Variants in PKHD1 observed in about 807,000 individuals in gnomAD.
PKHD1 encodes PKHD1 ciliary IPT domain containing fibrocystin/polyductin, also known as fibrocystin.
In PKHD1, 291 loss-of-function variants were observed where a neutral mutation model predicts 412.0. The ratio of observed to expected loss-of-function variants is 0.71; its 90% confidence interval spans 0.64 to 0.78. PKHD1 has a LOEUF of 0.78. Ranked by LOEUF, PKHD1 falls within the 30% of genes least tolerant of loss-of-function variation. PKHD1 has a pLI of 0.00. For synonymous variants in PKHD1, 1,777 were observed against 1,821.5 expected, an observed-to-expected ratio of 0.98 and a Z score of 0.62; for missense variants, 4,825 against 4,950.7, an observed-to-expected ratio of 0.97 and a Z score of 0.76.
At chr6:51,787,946 CAATT>C (rs1340300602) in intron 53 of PKHD1, among the ~76,000 whole-genome samples, 2 of 152,090 alleles carry the variant, frequency 1.3e-5, no homozygotes, top group African/African-American at 4.8e-5. Flanking sequence ...TAATATCTCT[CAATT>C]AATTGGATGA....
intron 60 of PKHD1, among the ~76,000 whole-genome samples, chr6:51,668,941 GT>G (rs1461153403): frequency 6.6e-6 from 1 of 152,244 alleles, no homozygotes; most frequent in Non-Finnish European, 1.5e-5. Context: ...TGCTGGATTC[GT>G]TTTGCCAGTA....
At chr6:52,030,672 A>C (rs1802904183) in intron 29 of PKHD1, among the ~76,000 whole-genome samples, 2 of 148,828 alleles carry the variant, frequency 1.3e-5, no homozygotes, top group Non-Finnish European at 3.0e-5. Context: ...AGGCAAGGGA[A>C]CTGGGAGGGG....
chr6:51,716,054 A>G lies in PKHD1; in HGVS notation c.10156+28331T>C, dbSNP rs1221663700. Among the ~76,000 whole-genome samples, 3 of 152,354 alleles carry G rather than the reference A, an allele frequency of 2.0e-5. No homozygotes were observed. The East Asian group carries it at 5.8e-4, about 29-fold the overall frequency. On this transcript the variant is annotated intron_variant, in intron 60 of 66. Transcript: ENST00000371117. The stretch of plus-strand genomic sequence containing the variant: ...GAATTCTTCAAAATCAATTTTAAAA[A>G]AATTTAAAAAGTTACTAAAGGCACA...
chr6:51,696,499 C>T (rs895739960), intron 60 of PKHD1, among the ~76,000 whole-genome samples: 2 of 152,168 alleles, frequency 1.3e-5, no homozygotes, highest in Admixed American at 6.6e-5. Flanking sequence ...GAAACTCAAC[C>T]CCTTCTGTGC....
intron 23 of PKHD1, 89 bp downstream of exon 23, chr6:52,048,402 TG>T: frequency 8.1e-7 from 1 of 1,241,918 alleles, no homozygotes; most frequent in Non-Finnish European, 1.2e-6. Flanking sequence ...TATTATCACC[TG>T]TCTGACAACC....
At chr6:51,954,242 T>C (rs1471962909) in intron 36 of PKHD1, among the ~76,000 whole-genome samples, 2 of 152,090 alleles carry the variant, frequency 1.3e-5, no homozygotes, top group Admixed American at 1.3e-4. Flanking sequence ...AGACAGGCAA[T>C]ACATTGTGAT....
intron 55 of PKHD1, among the ~76,000 whole-genome samples, chr6:51,760,538 G>A (rs1218044707): frequency 1.3e-5 from 2 of 151,958 alleles, no homozygotes; most frequent in Non-Finnish European, 2.9e-5. Flanking sequence ...GGATAAATAG[G>A]AAGTTATACA....
At chr6:51,802,373 T>C (rs917508882) in intron 52 of PKHD1, among the ~76,000 whole-genome samples, 2 of 151,652 alleles carry the variant, frequency 1.3e-5, no homozygotes, top group Non-Finnish European at 2.9e-5. Context: ...CACATAATTC[T>C]ATTACCTGTA....
At chr6:52,069,610 T>A in intron 10 of PKHD1, 83 bp from the exon 11 acceptor site, 1 of 967,210 alleles carries the variant, frequency 1.0e-6, no homozygotes, top group Non-Finnish European at 1.7e-6. Flanking sequence ...GAAAGGAAGA[T>A]TGGGAACTAA....
In PKHD1 at chr6:51,818,400, G is replaced by C. The variant is rs565583037; in HGVS notation, c.8302+12461C>G. ...AATAACACAGCTTTTTAAAGGCTCT[G>C]TTTTATTTCCTCCCACATGTTTAAA... On this transcript the variant is annotated intron_variant, in intron 52 of 66. Transcript: ENST00000371117. Among the ~76,000 whole-genome samples the C allele has an allele frequency of 5.3e-5, 8 of 152,108 alleles. 2 individuals are homozygous for C. Among genetic ancestry groups the C allele is most frequent in the African/African-American group, 1.9e-4 (8 of 41,482 alleles).
chr6:52,063,280 C>T (rs1429849992), intron 13 of PKHD1, among the ~76,000 whole-genome samples: 1 of 152,224 alleles, frequency 6.6e-6, no homozygotes, highest in Non-Finnish European at 1.5e-5. Flanking sequence ...TGAATGCTAA[C>T]TTGGGCTGAA....
rs755007340 is a variant in PKHD1, at chr6:52,026,151, C to A, written c.3659G>T (p.Gly1220Val). The A allele has an allele frequency of 1.9e-6, 3 of 1,614,054 alleles. No homozygotes were observed. Among genetic ancestry groups the A allele is most frequent in the East Asian group, 2.2e-5 (1 of 44,888 alleles). Residue 1220 changes from glycine to valine, a missense_variant, in exon 32 of 67, where the codon GGC becomes GTC. Coordinates refer to ENST00000371117, the MANE Select transcript of PKHD1 (RefSeq NM_138694.4). ...GGTILSISGI[G>V]FSRDPALVWV... ...AACCAAAGCTGGGTCCCTGCTGAAG[C>A]CTATTCCTGAGATGCTGAGGATGGT...
intron 60 of PKHD1, among the ~76,000 whole-genome samples, chr6:51,732,879 C>A (rs998522026): frequency 6.6e-6 from 1 of 152,288 alleles, no homozygotes; most frequent in South Asian, 2.1e-4. Flanking sequence ...AACATGGAAG[C>A]ATTCCAGGTG....
chr6:51,882,997 T>C, intron 46 of PKHD1, 96 bp downstream of exon 46: 1 of 880,174 alleles, frequency 1.1e-6, no homozygotes, highest in Non-Finnish European at 1.9e-6. Flanking sequence ...CACTAAAGAA[T>C]GCTATTAAAA....
chr6:51,833,115 A>G (rs939027206), intron 51 of PKHD1, among the ~76,000 whole-genome samples: 2 of 152,174 alleles, frequency 1.3e-5, no homozygotes, highest in Non-Finnish European at 2.9e-5. Flanking sequence ...CACAAAGTCC[A>G]GATAAAATGT....
At chr6:51,927,944 C>T (rs1026508165) in intron 37 of PKHD1, among the ~76,000 whole-genome samples, 2 of 151,948 alleles carry the variant, frequency 1.3e-5, no homozygotes, top group Non-Finnish European at 2.9e-5. Context: ...GAAAAGCCTC[C>T]TACAAGACTC....
At chr6:51,806,745 A>T (rs1165343717) in intron 52 of PKHD1, among the ~76,000 whole-genome samples, 2 of 152,060 alleles carry the variant, frequency 1.3e-5, no homozygotes, top group Non-Finnish European at 2.9e-5. Context: ...GCATTCAAAA[A>T]TGTGTTTGCT....
chr6:51,842,094 G>T (rs1770308973), intron 50 of PKHD1, among the ~76,000 whole-genome samples: 1 of 152,230 alleles, frequency 6.6e-6, no homozygotes, highest in African/African-American at 2.4e-5. Context: ...TTCGTGGTGA[G>T]GCGGACATTT....
chr6:51,958,924 G>A (rs2127941522), intron 36 of PKHD1, among the ~76,000 whole-genome samples: 1 of 151,972 alleles, frequency 6.6e-6, no homozygotes, highest in East Asian at 1.9e-4. Flanking sequence ...TGATTTGACT[G>A]AAAACTTCTC....
Sources: gnomAD v4.1 joint callset for allele counts (sites outside exome capture counted in the v4.1 genomes callset) on GRCh38, gnomAD v4.1.1 for gene constraint, MANE v1.5 for transcripts, NCBI Gene and HGNC (gene_info 2026-07-23, HGNC 2026-07-21) for gene names.